The following CDH18 variants were observed in gnomAD, a reference collection of about 807,000 sequenced individuals.
The protein encoded by CDH18 is cadherin-18.
In CDH18, 31 loss-of-function variants were observed where a neutral mutation model predicts 67.9. The observed-to-expected ratio is 0.46, with a 90% CI of 0.34 to 0.62. The LOEUF (loss-of-function observed/expected upper bound fraction) is 0.62, where lower values mean the gene tolerates loss of function less well. Ranked by LOEUF, CDH18 falls within the 20% of genes least tolerant of loss-of-function variation. CDH18 has a pLI of 0.01. For synonymous variants in CDH18, 362 were observed against 347.2 expected (o/e 1.04, Z -0.48); for missense variants, 890 against 975.5 (o/e 0.91, Z 1.17).
intron 5 of CDH18, among the ~76,000 whole-genome samples, chr5:19,642,651 C>A (rs1363187110): frequency 1.3e-5 from 2 of 151,868 alleles, no homozygotes; most frequent in Non-Finnish European, 2.9e-5. Context: ...CCCTTATTCT[C>A]ACTATTTACA....
intron 2 of CDH18, among the ~76,000 whole-genome samples, chr5:19,926,824 A>G (rs1561573534): frequency 1.3e-5 from 2 of 152,126 alleles, no homozygotes; most frequent in African/African-American, 2.4e-5. Flanking sequence ...GCCTAGAAAT[A>G]AAACGTATCT....
chr5:20,472,231 G>A (rs1195420587), intron 1 of CDH18, among the ~76,000 whole-genome samples: 4 of 152,036 alleles, frequency 2.6e-5, no homozygotes, highest in Admixed American at 6.6e-5. Context: ...AAGAGGTCTG[G>A]GTTTATGAAG....
chr5:20,113,584 T>C (rs2126360329), intron 2 of CDH18, among the ~76,000 whole-genome samples: 1 of 152,264 alleles, frequency 6.6e-6, no homozygotes, highest in Admixed American at 6.5e-5. Context: ...TAATTCTTTA[T>C]CAAAGTATTA....
chr5:20,175,330 C>T (rs1220993618), intron 2 of CDH18, among the ~76,000 whole-genome samples: 2 of 152,106 alleles, frequency 1.3e-5, no homozygotes, highest in African/African-American at 2.4e-5. Context: ...CCAGTGAACC[C>T]AGCCACCTCT....
chr5:20,172,093 C>T (rs1335598066), intron 2 of CDH18, among the ~76,000 whole-genome samples: 1 of 146,828 alleles, frequency 6.8e-6, no homozygotes, highest in Non-Finnish European at 1.5e-5. Flanking sequence ...GTAACAATTG[C>T]CTAGTCCCCC....
chr5:19,863,520 AG>A (rs887172239), intron 2 of CDH18, among the ~76,000 whole-genome samples: 14 of 152,170 alleles, frequency 9.2e-5, no homozygotes, highest in Non-Finnish European at 4.4e-5. Flanking sequence ...GTGCTGACAC[AG>A]GGGAGAGGAC....
At chr5:19,956,341 T>C (rs1001190800) in intron 2 of CDH18, among the ~76,000 whole-genome samples, 4 of 151,972 alleles carry the variant, frequency 2.6e-5, no homozygotes, top group Admixed American at 2.0e-4. Context: ...CTGTCCACTC[T>C]CTAAATAATT....
At chr5:19,996,820 T>C (rs1048094408) in intron 2 of CDH18, among the ~76,000 whole-genome samples, 4 of 152,056 alleles carry the variant, frequency 2.6e-5, no homozygotes, top group Admixed American at 1.3e-4. Context: ...TTCTGAAATT[T>C]CTATTGTTTT....
chr5:20,051,449 T>C (rs761541505), intron 2 of CDH18, among the ~76,000 whole-genome samples: 2 of 151,940 alleles, frequency 1.3e-5, no homozygotes, highest in Non-Finnish European at 2.9e-5. Flanking sequence ...TCTACTATGT[T>C]AAAATAAAAT....
chr5:20,076,564 A>G (rs1342278296), intron 2 of CDH18, among the ~76,000 whole-genome samples: 4 of 151,940 alleles, frequency 2.6e-5, no homozygotes, highest in Admixed American at 6.6e-5. Context: ...AAGGCAGACC[A>G]TATTGTGAAA....
chr5:19,681,915 T>A (rs534573867), intron 5 of CDH18, among the ~76,000 whole-genome samples: 1 of 152,188 alleles, frequency 6.6e-6, no homozygotes, highest in Admixed American at 6.6e-5. Context: ...TGTTTAAAGA[T>A]TTAGGCTGTT....
chr5:20,158,587 T>TA (rs1751736173), intron 2 of CDH18: 1 of 155,200 alleles, frequency 6.4e-6, no homozygotes, highest in Non-Finnish European at 1.5e-5. Flanking sequence ...ATTTTTTGTA[T>TA]TCCTTAAAAA....
At chr5:20,263,066 GA>G (rs1220830019) in intron 1 of CDH18, among the ~76,000 whole-genome samples, 1 of 149,892 alleles carries the variant, frequency 6.7e-6, no homozygotes, top group Non-Finnish European at 1.5e-5. Context: ...TGAAGAGAGG[GA>G]AAAAGAGGTC....
At chr5:19,975,094 G>C (rs1357841551) in intron 2 of CDH18, among the ~76,000 whole-genome samples, 1 of 152,046 alleles carries the variant, frequency 6.6e-6, no homozygotes, top group African/African-American at 2.4e-5. Context: ...TAATCTGGTT[G>C]ACTATGCATG....
chr5:20,546,497 C>A (rs1757350790), intron 1 of CDH18, among the ~76,000 whole-genome samples: 1 of 152,078 alleles, frequency 6.6e-6, no homozygotes. Flanking sequence ...AATTTACAAT[C>A]GTGGTGGAAG....
At chr5:19,529,139 T>C (rs1208138096) in intron 9 of CDH18, among the ~76,000 whole-genome samples, 1 of 151,990 alleles carries the variant, frequency 6.6e-6, no homozygotes, top group Non-Finnish European at 1.5e-5. Context: ...CCCAGGACTA[T>C]CTCAGGCTTT....
At chr5:19,994,770 G>T (rs1237481915) in intron 2 of CDH18, among the ~76,000 whole-genome samples, 2 of 102,112 alleles carry the variant, frequency 2.0e-5, no homozygotes, top group African/African-American at 8.0e-5. Context: ...GAGAGAGAGA[G>T]AGAGAGAGAG....
rs35850823 is a variant in CDH18 at position 19,787,809 on chromosome 5, T to TTATATATATATA, written c.229-40585_229-40574dup. Among the ~76,000 whole-genome samples the TTATATATATATA allele has an allele frequency of 6.4e-3, 919 of 144,370 alleles. 2 individuals are homozygous for TTATATATATATA. Among genetic ancestry groups the TTATATATATATA allele is most frequent in the African/African-American group, 8.8e-3 (347 of 39,220 alleles). The allele number at this position is 144,370 out of a possible 152,430, so 94.7% of individuals were successfully genotyped here. ...TCCAATGAATAGCAGTAATTTACAG[T>TTATATATATATA]TATATATATATATATATATGTTTAC... On this transcript the variant is annotated intron_variant, in intron 3 of 12. Coordinates refer to ENST00000382275, the MANE Select transcript of CDH18 (RefSeq NM_004934.5).
intron 2 of CDH18, among the ~76,000 whole-genome samples, chr5:20,005,967 TATG>T (rs1310933652): frequency 1.3e-5 from 2 of 151,968 alleles, no homozygotes; most frequent in Non-Finnish European, 1.5e-5. Flanking sequence ...TAGAATTCCT[TATG>T]GGCATTAACA....
Sources: gnomAD v4.1 joint callset for allele counts (sites outside exome capture counted in the v4.1 genomes callset) on GRCh38, gnomAD v4.1.1 for gene constraint, MANE v1.5 for transcripts, NCBI Gene and HGNC (gene_info 2026-07-23, HGNC 2026-07-21) for gene names.